Variants in ZSWIM5 observed in about 807,000 individuals in gnomAD.
ZSWIM5 encodes zinc finger SWIM domain-containing protein 5.
Under a neutral mutation model 119.6 loss-of-function variants are expected in ZSWIM5, and 55 were observed. The observed-to-expected ratio is 0.46, with a 90% CI of 0.37 to 0.58. ZSWIM5 has a LOEUF of 0.58. Among genes scored for constraint, ZSWIM5 ranks in the 20% least tolerant of loss-of-function variants. The pLI, the probability that ZSWIM5 is intolerant of heterozygous loss-of-function variation, is 0.00. For synonymous variants in ZSWIM5, 537 were observed against 606.9 expected, an observed-to-expected ratio of 0.88 and a Z score of 1.69; for missense variants, 1,193 against 1,512.8, an observed-to-expected ratio of 0.79 and a Z score of 3.51.
At chr1:45,124,399 T>C (rs750513038) in intron 1 of ZSWIM5, among the ~76,000 whole-genome samples, 5 of 152,118 alleles carry the variant, frequency 3.3e-5, no homozygotes, top group African/African-American at 4.8e-5. Context: ...AACATCAGTA[T>C]ACTATGATTA....
At chr1:45,056,638 T>C (rs551122922) in intron 4 of ZSWIM5, among the ~76,000 whole-genome samples, 9 of 151,154 alleles carry the variant, frequency 6.0e-5, no homozygotes, top group African/African-American at 2.2e-4. Context: ...TTAGAGCATA[T>C]TTGTATGCTG....
chr1:45,059,679 T>C (rs1327504167), intron 3 of ZSWIM5, among the ~76,000 whole-genome samples: 1 of 152,214 alleles, frequency 6.6e-6, no homozygotes, highest in Non-Finnish European at 1.5e-5. Flanking sequence ...ATATGAATTA[T>C]ATCTCACTGA....
intron 1 of ZSWIM5, among the ~76,000 whole-genome samples, chr1:45,128,912 G>A (rs1645637731): frequency 6.6e-6 from 1 of 151,898 alleles, no homozygotes; most frequent in African/African-American, 2.4e-5. Context: ...TTTTTATACT[G>A]ATTTCTTTCA....
intron 1 of ZSWIM5, among the ~76,000 whole-genome samples, chr1:45,168,161 C>T (rs1447514903): frequency 6.6e-6 from 1 of 152,042 alleles, no homozygotes; most frequent in African/African-American, 2.4e-5. Context: ...AGGGTGAGTT[C>T]ATGTCCTTTG....
At chr1:45,070,332 A>G (rs346702) in intron 2 of ZSWIM5, 1,182,320 of 1,402,948 alleles carry the variant, frequency 0.84, 499,360 homozygotes, top group South Asian at 0.91. Context: ...CAGAGCATAC[A>G]CAGTCATGGC....
chr1:45,179,522 C>T (rs61789767), intron 1 of ZSWIM5, among the ~76,000 whole-genome samples: 1,962 of 152,206 alleles, frequency 0.013, 24 homozygotes, highest in Non-Finnish European at 0.021. Flanking sequence ...CAGATTCATT[C>T]GTACGTACTC....
chr1:45,115,175 G>T (rs1216097587), intron 1 of ZSWIM5, among the ~76,000 whole-genome samples: 2 of 152,216 alleles, frequency 1.3e-5, no homozygotes, highest in Non-Finnish European at 2.9e-5. Context: ...TCCCAGACGG[G>T]GTGGCCGCCG....
intron 4 of ZSWIM5, among the ~76,000 whole-genome samples, chr1:45,052,522 C>T (rs1645095027): frequency 6.6e-6 from 1 of 152,100 alleles, no homozygotes; most frequent in Non-Finnish European, 1.5e-5. Flanking sequence ...ATAATCCCAG[C>T]ACTTTGGCAG....
intron 6 of ZSWIM5, 101 bp downstream of exon 6, chr1:45,043,118 C>A: frequency 1.6e-6 from 2 of 1,218,474 alleles, no homozygotes; most frequent in South Asian, 1.3e-5. Context: ...GAAAACTGTC[C>A]AAATTGTAGT....
At chr1:45,035,622 A>C (rs1644977771) in intron 10 of ZSWIM5, 66 bp downstream of exon 10, 7 of 1,568,740 alleles carry the variant, frequency 4.5e-6, no homozygotes. Flanking sequence ...TGAAATAAGC[A>C]ATGAAAAAGA....
chr1:45,063,698 A>G (rs1303913828), intron 2 of ZSWIM5, among the ~76,000 whole-genome samples: 1 of 152,160 alleles, frequency 6.6e-6, no homozygotes, highest in Non-Finnish European at 1.5e-5. Context: ...CCGCAATGAG[A>G]AACAGAAACC....
At chr1:45,165,608 GAT>G (rs1287444532) in intron 1 of ZSWIM5, among the ~76,000 whole-genome samples, 1 of 151,974 alleles carries the variant, frequency 6.6e-6, no homozygotes, top group African/African-American at 2.4e-5. Flanking sequence ...GAATCAAATA[GAT>G]GCAATAAAAA....
At chr1:45,070,206 A>T in intron 2 of ZSWIM5, 1 of 1,437,060 alleles carries the variant, frequency 7.0e-7, no homozygotes, top group Non-Finnish European at 9.8e-7. Context: ...TTTGTAGGCC[A>T]AGAAAGCTAC....
intron 1 of ZSWIM5, among the ~76,000 whole-genome samples, chr1:45,138,505 C>CAAAAAA (rs759005534): frequency 1.8e-5 from 1 of 54,918 alleles, no homozygotes; most frequent in Non-Finnish European, 3.9e-5. Flanking sequence ...AACTCCATCT[C>CAAAAAA]AAAAAAAAAA....
At chr1:45,180,811 C>A (rs1308626738) in intron 1 of ZSWIM5, among the ~76,000 whole-genome samples, 1 of 152,076 alleles carries the variant, frequency 6.6e-6, no homozygotes, top group African/African-American at 2.4e-5. Context: ...GCTGCTGATA[C>A]CCAGGCAAAC....
chr1:45,039,326 T>C (rs1645005108), intron 7 of ZSWIM5, among the ~76,000 whole-genome samples: 1 of 152,244 alleles, frequency 6.6e-6, no homozygotes, highest in African/African-American at 2.4e-5. Context: ...TTTTAAGAGA[T>C]ACCTGAGTCT....
Position 45,018,371 on chromosome 1 carries a change from G to A in ZSWIM5, c.*83C>T, listed in dbSNP as rs970431731. 6.5e-6 allele frequency: 10 copies of A among 1,529,154 alleles called. No homozygotes were observed. In the African/African-American group the frequency reaches 9.6e-5, roughly 15 times the overall value. 94.7% of individuals were successfully genotyped at this position (1,529,154 alleles called of 1,614,324 possible). On this transcript the variant is annotated 3_prime_UTR_variant, in exon 14 of 14. Coordinates refer to ENST00000359600, the MANE Select transcript of ZSWIM5 (RefSeq NM_020883.2). This position sits in a 1 kb window ranked among gnomAD's most constrained non-coding sequence, Gnocchi z 6.7. ...CACAGGTGCTCAGAGTTCTCTCAGG[G>A]TGGACAAATGTTTCAGTGCCCTTGG...
chr1:45,129,153 GTTTTTTT>G (rs869042927), intron 1 of ZSWIM5, among the ~76,000 whole-genome samples: 9 of 70,160 alleles, frequency 1.3e-4, no homozygotes, highest in South Asian at 5.8e-4. Context: ...CATACATCTT[GTTTTTTT>G]TTTTTTTTTT....
intron 2 of ZSWIM5, among the ~76,000 whole-genome samples, chr1:45,067,350 G>A (rs1458802793): frequency 2.6e-5 from 4 of 151,530 alleles, no homozygotes; most frequent in Non-Finnish European, 5.9e-5. Flanking sequence ...GAGGTGGGAG[G>A]ATCACCTGAG....
Sources: allele counts gnomAD v4.1 joint callset (sites outside exome capture counted in the v4.1 genomes callset), GRCh38; gene constraint gnomAD v4.1.1; non-coding constraint Gnocchi (gnomAD v3.1); transcripts MANE v1.5; gene names NCBI Gene and HGNC (gene_info 2026-07-23, HGNC 2026-07-21).